SORCS2: variants seen among roughly 807,000 people sequenced by gnomAD.
The protein encoded by SORCS2 is VPS10 domain-containing receptor SorCS2.
SORCS2 carries 100 observed loss-of-function variants against 141.6 expected under a neutral mutation model. The observed-to-expected ratio is 0.71, with a 90% CI of 0.60 to 0.83. The LOEUF (loss-of-function observed/expected upper bound fraction) is 0.83, where lower values mean the gene tolerates loss of function less well. Ranked by LOEUF, SORCS2 falls within the 40% of genes least tolerant of loss-of-function variation. SORCS2 has a pLI of 0.00. For synonymous variants in SORCS2, 789 were observed against 676.9 expected, an observed-to-expected ratio of 1.17 and a Z score of -2.57; for missense variants, 1,646 against 1,560.2, an observed-to-expected ratio of 1.05 and a Z score of -0.93.
At chr4:7,485,486 G>A (rs953274584) in intron 2 of SORCS2, among the ~76,000 whole-genome samples, 16 of 152,240 alleles carry the variant, frequency 1.1e-4, no homozygotes, top group South Asian at 2.1e-4. Context: ...GCCCCCTGCC[G>A]GGCCTCATGT....
At chr4:7,724,401 A>T (rs1477891171) in intron 19 of SORCS2, among the ~76,000 whole-genome samples, 2 of 127,198 alleles carry the variant, frequency 1.6e-5, no homozygotes, top group Non-Finnish European at 3.2e-5. Flanking sequence ...GGTGATGGTG[A>T]TAGTAGTGGT....
At position 7,664,510 on chromosome 4, in the gene SORCS2, G is replaced by T. The variant is rs1400905711; in HGVS notation, c.1071+39G>T. 6.7e-7 allele frequency: 1 copy of T among 1,481,676 alleles called. No individual in the cohort carries two copies. The highest frequency in any genetic ancestry group is 9.2e-7 in the Non-Finnish European group (1 of 1,084,074). The allele number at this position is 1,481,676 out of a possible 1,614,324, so 91.8% of individuals were successfully genotyped here. On this transcript the variant is annotated intron_variant, in intron 7 of 26. Coordinates refer to ENST00000507866, the MANE Select transcript of SORCS2 (RefSeq NM_020777.3). This position sits in a 1 kb window ranked among gnomAD's most constrained non-coding sequence, Gnocchi z 4.7. The stretch of plus-strand genomic sequence containing the variant: ...TGGGGCTTTTGGAAATTGGCAACAG[G>T]TGACGTGGCGGATGACCCGTTCGCG...
chr4:7,394,525 A>G (rs1724079723), intron 1 of SORCS2, among the ~76,000 whole-genome samples: 2 of 128,544 alleles, frequency 1.6e-5, no homozygotes, highest in East Asian at 2.3e-4. Context: ...GGGCTGGGGG[A>G]TTTGGGGAAG....
intron 14 of SORCS2, among the ~76,000 whole-genome samples, chr4:7,706,719 A>T (rs1265967223): frequency 7.1e-6 from 1 of 140,668 alleles, no homozygotes; most frequent in Non-Finnish European, 1.5e-5. Flanking sequence ...CTGGACAGAG[A>T]TGAGGCTGGG....
rs140018636 is a variant in SORCS2, at chr4:7,223,540, GTGTC to G, written c.480+30417_480+30420del. On this transcript the variant is annotated intron_variant, in intron 1 of 26. Coordinates refer to ENST00000507866, the MANE Select transcript of SORCS2 (RefSeq NM_020777.3). ...CCCTTGGATACAACTCTTTATCTGT[GTGTC>G]TGGTGGTTTCCTAGGATGAATTCTC... Among the ~76,000 whole-genome samples, 73 of 152,246 alleles carry G rather than the reference GTGTC, an allele frequency of 4.8e-4. No homozygotes were observed. The East Asian group carries it at 0.013, about 27-fold the overall frequency.
At chr4:7,315,322 G>A (rs931205273) in intron 1 of SORCS2, among the ~76,000 whole-genome samples, 62 of 152,236 alleles carry the variant, frequency 4.1e-4, no homozygotes, top group African/African-American at 1.3e-3. Context: ...AGATCATGGT[G>A]TCAGTACTTG....
At chr4:7,641,788 G>GGATA (rs1019403679) in intron 4 of SORCS2, among the ~76,000 whole-genome samples, 11 of 120,326 alleles carry the variant, frequency 9.1e-5, no homozygotes, top group Non-Finnish European at 1.8e-4. Flanking sequence ...ATGGATGGAT[G>GGATA]GATGGATGGA....
At chr4:7,252,153 C>T (rs1713546740) in intron 1 of SORCS2, among the ~76,000 whole-genome samples, 1 of 152,242 alleles carries the variant, frequency 6.6e-6, no homozygotes, top group Non-Finnish European at 1.5e-5. Context: ...AGCTGAGATA[C>T]TACCTGGCAT....
At chr4:7,708,995 C>A (rs151279589) in intron 14 of SORCS2, among the ~76,000 whole-genome samples, 39 of 152,338 alleles carry the variant, frequency 2.6e-4, no homozygotes, top group Non-Finnish European at 4.1e-4. Flanking sequence ...AGTCTCGTGC[C>A]CCCGGAGGCC....
intron 5 of SORCS2, among the ~76,000 whole-genome samples, chr4:7,660,340 C>T (rs924368374): frequency 6.6e-6 from 1 of 152,204 alleles, no homozygotes; most frequent in African/African-American, 2.4e-5. Flanking sequence ...CAGGAGCCCA[C>T]AGGGCAGCTA....
At chr4:7,380,678 A>G (rs1288380952) in intron 1 of SORCS2, among the ~76,000 whole-genome samples, 5 of 152,268 alleles carry the variant, frequency 3.3e-5, no homozygotes, top group African/African-American at 1.2e-4. Context: ...CGTAGGCCTC[A>G]AGCTTGTCTT....
At chr4:7,618,968 C>T (rs546583201) in intron 3 of SORCS2, among the ~76,000 whole-genome samples, 22 of 152,214 alleles carry the variant, frequency 1.4e-4, no homozygotes, top group African/African-American at 4.8e-4. Flanking sequence ...CATAGGTCCT[C>T]GGAAGCACCT....
chr4:7,396,503 TA>T lies in SORCS2; in HGVS notation c.548+151del, dbSNP rs1315340805. On this transcript the variant is annotated intron_variant, in intron 2 of 26. Coordinates refer to ENST00000507866, the MANE Select transcript of SORCS2 (RefSeq NM_020777.3). The stretch of plus-strand genomic sequence containing the variant: ...AACTTTTCTTTGGCTAGAAAATGCA[TA>T]AAGGAAAAGTTGAAAGTAGCTTAAC... The T allele has an allele frequency of 1.6e-5, 12 of 752,870 alleles. No individual in the cohort carries two copies. In the East Asian group the frequency reaches 3.2e-4, roughly 20 times the overall value. 46.6% of individuals were successfully genotyped at this position (752,870 alleles called of 1,614,324 possible). A position where few individuals can be genotyped will look rare whatever the true frequency, so the allele number is the denominator to read the frequency against.
At chr4:7,435,222 C>T (rs1158290264) in intron 2 of SORCS2, among the ~76,000 whole-genome samples, 1 of 152,192 alleles carries the variant, frequency 6.6e-6, no homozygotes, top group Non-Finnish European at 1.5e-5. Context: ...CCTGGGGTTC[C>T]CTTCCCTGCA....
intron 1 of SORCS2, among the ~76,000 whole-genome samples, chr4:7,369,721 C>T (rs1722128914): frequency 1.3e-5 from 2 of 152,190 alleles, no homozygotes; most frequent in African/African-American, 4.8e-5. Flanking sequence ...TCGCACATGC[C>T]TCTGGTCGGC....
At chr4:7,242,249 G>A (rs1026367508) in intron 1 of SORCS2, among the ~76,000 whole-genome samples, 10 of 152,138 alleles carry the variant, frequency 6.6e-5, no homozygotes, top group Non-Finnish European at 1.3e-4. Context: ...ATCCAAGAGT[G>A]CAGTGGTATG....
intron 2 of SORCS2, among the ~76,000 whole-genome samples, chr4:7,455,299 G>GGT (rs1281800301): frequency 2.0e-5 from 1 of 49,314 alleles, no homozygotes; most frequent in Non-Finnish European, 3.7e-5. Context: ...GTTGGGGTCA[G>GGT]GCACTGTGTT....
chr4:7,254,849 G>A (rs1195465971), intron 1 of SORCS2, among the ~76,000 whole-genome samples: 1 of 152,052 alleles, frequency 6.6e-6, no homozygotes, highest in Non-Finnish European at 1.5e-5. Context: ...ACATCTCCAT[G>A]CACACAGCCC....
intron 1 of SORCS2, among the ~76,000 whole-genome samples, chr4:7,373,434 GTTGTA>G (rs1395624095): frequency 1.0e-5 from 1 of 96,834 alleles, no homozygotes; most frequent in African/African-American, 4.5e-5. Context: ...GTTTGTCTTT[GTTGTA>G]TTGAATTGTG....
Sources: allele counts gnomAD v4.1 joint callset (sites outside exome capture counted in the v4.1 genomes callset), GRCh38; gene constraint gnomAD v4.1.1; non-coding constraint Gnocchi (gnomAD v3.1); transcripts MANE v1.5; gene names NCBI Gene and HGNC (gene_info 2026-07-23, HGNC 2026-07-21).